SSBP3: variants seen among roughly 807,000 people sequenced by gnomAD.
SSBP3 encodes single-stranded DNA-binding protein 3.
In SSBP3, 5 loss-of-function variants were observed where a neutral mutation model predicts 69.6. The observed-to-expected ratio is 0.07, with a 90% CI of 0.04 to 0.15. The LOEUF (loss-of-function observed/expected upper bound fraction) is 0.15, where lower values mean the gene tolerates loss of function less well. Ranked by LOEUF, SSBP3 falls within the 10% of genes least tolerant of loss-of-function variation. SSBP3 has a pLI of 1.00. For missense variants in SSBP3, 312 were observed against 534.0 expected (o/e 0.58, Z 4.10); for synonymous variants, 196 against 193.4 (o/e 1.01, Z -0.11).
intron 4 of SSBP3, chr1:54,286,294 A>G (rs1645488877): frequency 6.6e-6 from 1 of 152,220 alleles, no homozygotes; most frequent in Non-Finnish European, 1.5e-5. Flanking sequence ...AAAAACAACA[A>G]CAAAAACAAC....
intron 4 of SSBP3, among the ~76,000 whole-genome samples, chr1:54,395,544 G>T (rs1648802564): frequency 6.6e-6 from 1 of 152,192 alleles, no homozygotes. Flanking sequence ...CCCTTGAGGG[G>T]GTGCAGGGGT....
chr1:54,255,842 G>T (rs1644912030), intron 7 of SSBP3, among the ~76,000 whole-genome samples: 1 of 152,222 alleles, frequency 6.6e-6, no homozygotes, highest in Non-Finnish European at 1.5e-5. Flanking sequence ...GGAGGCCAAG[G>T]CAGGCAGATC....
chr1:54,236,346 AC>A (rs1644494896), intron 14 of SSBP3: 1 of 152,164 alleles, frequency 6.6e-6, no homozygotes, highest in East Asian at 1.9e-4. Context: ...TTAACTCCCG[AC>A]GGACCCCAAG....
chr1:54,412,281 A>G (rs554053165), intron 1 of SSBP3, among the ~76,000 whole-genome samples: 3 of 152,292 alleles, frequency 2.0e-5, no homozygotes, highest in African/African-American at 7.2e-5. Flanking sequence ...GTGAGCCGAG[A>G]TCATGCCACT....
chr1:54,310,851 T>C (rs1377557047), intron 4 of SSBP3, among the ~76,000 whole-genome samples: 1 of 152,168 alleles, frequency 6.6e-6, no homozygotes. Flanking sequence ...ACCCCCGCTT[T>C]ATGCAGTGAG....
At chr1:54,280,276 G>A (rs950303844) in intron 5 of SSBP3, among the ~76,000 whole-genome samples, 3 of 152,184 alleles carry the variant, frequency 2.0e-5, no homozygotes, top group Non-Finnish European at 4.4e-5. Flanking sequence ...TCACCTAGAG[G>A]GAAACCCCTT....
chr1:54,361,127 A>G (rs1646945878), intron 4 of SSBP3, among the ~76,000 whole-genome samples: 1 of 152,246 alleles, frequency 6.6e-6, no homozygotes, highest in South Asian at 2.1e-4. Flanking sequence ...ATGTAAAAGC[A>G]GTTTGCATAG....
intron 7 of SSBP3, among the ~76,000 whole-genome samples, chr1:54,256,143 A>G (rs642198): frequency 0.57 from 86,208 of 151,694 alleles, 24,812 homozygotes; most frequent in South Asian, 0.72. Context: ...GCATCACCTC[A>G]CTCAGGAGCC....
chr1:54,291,745 CAAAGG>C (rs1035087278), intron 4 of SSBP3, among the ~76,000 whole-genome samples: 3 of 152,334 alleles, frequency 2.0e-5, no homozygotes, highest in African/African-American at 7.2e-5. Context: ...GGTCACAAAG[CAAAGG>C]AAATTGGACC....
chr1:54,338,450 C>T (rs1025386731), intron 4 of SSBP3, among the ~76,000 whole-genome samples: 3 of 152,170 alleles, frequency 2.0e-5, no homozygotes, highest in Non-Finnish European at 2.9e-5. Flanking sequence ...CATGGCTGCC[C>T]GCCTATGCTT....
At chr1:54,334,725 T>C (rs938449375) in intron 4 of SSBP3, among the ~76,000 whole-genome samples, 1 of 152,246 alleles carries the variant, frequency 6.6e-6, no homozygotes, top group Non-Finnish European at 1.5e-5. Context: ...CAACATCATC[T>C]TTCTCCTTGC....
chr1:54,326,553 T>C (rs745625437), intron 4 of SSBP3: 8 of 152,180 alleles, frequency 5.3e-5, no homozygotes, highest in African/African-American at 7.2e-5. Flanking sequence ...AAGCTCTTCC[T>C]TGACGCAGCT....
intron 4 of SSBP3, among the ~76,000 whole-genome samples, chr1:54,350,440 A>C (rs1646763522): frequency 1.3e-5 from 2 of 152,234 alleles, no homozygotes; most frequent in South Asian, 4.1e-4. Context: ...CCTGCAAAGC[A>C]GAAGTAGTCC....
In SSBP3 at chr1:54,401,402, A is replaced by ACC. The variant is rs1553150945; in HGVS notation, c.276+457_276+458dup. ...AACACACACACACACACACACACAC[A>ACC]CCCATAATTTGAAAGATCGCTCTCT... On this transcript the variant is annotated intron_variant, in intron 4 of 17. Coordinates refer to ENST00000610401, the Ensembl canonical transcript of SSBP3. Among the ~76,000 whole-genome samples the ACC allele has an allele frequency of 1.0e-3, 157 of 151,824 alleles. 1 individual carries two copies. The highest frequency in any genetic ancestry group is 5.9e-4 in the Non-Finnish European group (40 of 67,928).
At chr1:54,399,781 G>C (rs1356730168) in intron 4 of SSBP3, among the ~76,000 whole-genome samples, 1 of 152,094 alleles carries the variant, frequency 6.6e-6, no homozygotes, top group East Asian at 1.9e-4. Flanking sequence ...AAAAAGAAAA[G>C]TGGGCTCCTT....
At chr1:54,271,273 G>A (rs765244512) in intron 5 of SSBP3, among the ~76,000 whole-genome samples, 9 of 151,918 alleles carry the variant, frequency 5.9e-5, no homozygotes, top group Non-Finnish European at 8.8e-5. Flanking sequence ...ACAAAGTCTC[G>A]CTAATTTTTT....
chr1:54,238,150 C>T (rs1478683234), intron 14 of SSBP3: 3 of 471,044 alleles, frequency 6.4e-6, no homozygotes, highest in South Asian at 3.1e-5. Flanking sequence ...AGAAACCATC[C>T]CTCAGAGGGC....
intron 4 of SSBP3, among the ~76,000 whole-genome samples, chr1:54,289,230 T>G (rs969752772): frequency 6.6e-6 from 1 of 152,054 alleles, no homozygotes; most frequent in Non-Finnish European, 1.5e-5. Flanking sequence ...ACCTTCTAGC[T>G]CTGCTCTTTC....
At chr1:54,257,727 C>A (rs1318983326) in intron 6 of SSBP3, among the ~76,000 whole-genome samples, 2 of 151,934 alleles carry the variant, frequency 1.3e-5, no homozygotes, top group African/African-American at 4.8e-5. Context: ...CACGAGTGCA[C>A]AAAGAAAAGG....
Sources: allele counts gnomAD v4.1 joint callset (sites outside exome capture counted in the v4.1 genomes callset), GRCh38; gene constraint gnomAD v4.1.1; transcripts MANE v1.5; gene names NCBI Gene and HGNC (gene_info 2026-07-23, HGNC 2026-07-21).